TRPM3: variants seen among roughly 807,000 people sequenced by gnomAD.
TRPM3 encodes the protein transient receptor potential cation channel subfamily M member 3.
TRPM3 carries 77 observed loss-of-function variants against 181.2 expected under a neutral mutation model. The ratio of observed to expected loss-of-function variants is 0.42; its 90% confidence interval spans 0.35 to 0.51. The LOEUF (loss-of-function observed/expected upper bound fraction) is 0.51. Among genes scored for constraint, TRPM3 ranks in the 20% least tolerant of loss-of-function variants. The pLI, the probability that TRPM3 is intolerant of heterozygous loss-of-function variation, is 0.01. For missense variants in TRPM3, 1,759 were observed against 2,196.7 expected, an observed-to-expected ratio of 0.80 and a Z score of 3.98; for synonymous variants, 745 against 796.4, an observed-to-expected ratio of 0.94 and a Z score of 1.09.
chr9:71,433,059 T>C (rs971335156), intron 1 of TRPM3, among the ~76,000 whole-genome samples: 2 of 152,242 alleles, frequency 1.3e-5, no homozygotes, highest in South Asian at 2.1e-4. Context: ...CCAAGTCTTT[T>C]TGCCTTTGTC....
intron 1 of TRPM3, among the ~76,000 whole-genome samples, chr9:71,406,430 AC>A (rs1156404020): frequency 3.3e-5 from 5 of 152,236 alleles, no homozygotes; most frequent in African/African-American, 1.2e-4. Flanking sequence ...CTGGAAGTTA[AC>A]TTAGATAAGT....
chr9:71,366,075 G>A (rs1216411234), intron 1 of TRPM3, among the ~76,000 whole-genome samples: 1 of 152,038 alleles, frequency 6.6e-6, no homozygotes, highest in Non-Finnish European at 1.5e-5. Context: ...TTCAGAGATT[G>A]GTCATCATAG....
At chr9:71,227,429 C>T (rs1270418527) in intron 1 of TRPM3, among the ~76,000 whole-genome samples, 1 of 151,898 alleles carries the variant, frequency 6.6e-6, no homozygotes, top group Non-Finnish European at 1.5e-5. Context: ...CCTAATGTTG[C>T]ATTTTAAAGA....
chr9:71,089,509 C>T (rs1033595069), intron 1 of TRPM3, among the ~76,000 whole-genome samples: 10 of 150,578 alleles, frequency 6.6e-5, no homozygotes, highest in African/African-American at 2.4e-4. Context: ...CTAGGTACTA[C>T]AGAGCCAGAA....
chr9:71,432,517 TA>T (rs36049234), intron 1 of TRPM3, among the ~76,000 whole-genome samples: 84,012 of 151,354 alleles, frequency 0.56, 28,422 homozygotes, highest in Non-Finnish European at 0.76. Context: ...TTTGTAGCTG[TA>T]AACCAGATCA....
intron 1 of TRPM3, among the ~76,000 whole-genome samples, chr9:70,872,795 A>G (rs572255799): frequency 6.8e-4 from 104 of 152,064 alleles, no homozygotes; most frequent in African/African-American, 2.5e-3. Flanking sequence ...GCACATGGTT[A>G]GCACATAGAG....
chr9:70,551,931 T>C (rs979599320), intron 24 of TRPM3, among the ~76,000 whole-genome samples: 4 of 152,212 alleles, frequency 2.6e-5, no homozygotes, highest in Admixed American at 6.5e-5. Context: ...AGTTGGGCAT[T>C]GCAAGGTCAG....
chr9:70,739,668 T>G (rs1157006969), intron 8 of TRPM3, among the ~76,000 whole-genome samples: 1 of 152,088 alleles, frequency 6.6e-6, no homozygotes, highest in Non-Finnish European at 1.5e-5. Flanking sequence ...CTCAATTCAC[T>G]GCAACCATCT....
chr9:71,061,149 A>G (rs1468309778), intron 1 of TRPM3, among the ~76,000 whole-genome samples: 1 of 152,128 alleles, frequency 6.6e-6, no homozygotes, highest in African/African-American at 2.4e-5. Flanking sequence ...CACCTGGAGC[A>G]CTGGAAGAAT....
intron 22 of TRPM3, among the ~76,000 whole-genome samples, chr9:70,580,468 C>T (rs1332213572): frequency 1.3e-5 from 2 of 152,150 alleles, no homozygotes; most frequent in East Asian, 1.9e-4. Context: ...AAGGGATACA[C>T]ACAAGAAATC....
At chr9:71,086,364 T>G (rs2065261168) in intron 1 of TRPM3, among the ~76,000 whole-genome samples, 1 of 151,932 alleles carries the variant, frequency 6.6e-6, no homozygotes, top group African/African-American at 2.4e-5. Context: ...AAGAATTTTT[T>G]TAAAAGATTC....
chr9:71,309,610 T>G (rs1336156201), intron 1 of TRPM3, among the ~76,000 whole-genome samples: 1 of 152,164 alleles, frequency 6.6e-6, no homozygotes, highest in Non-Finnish European at 1.5e-5. Context: ...TCTTACAATT[T>G]TGGTGTAATT....
At chr9:71,255,014 T>C (rs2082586393) in intron 1 of TRPM3, among the ~76,000 whole-genome samples, 1 of 152,222 alleles carries the variant, frequency 6.6e-6, no homozygotes. Flanking sequence ...TGCCTATTTC[T>C]GTAGCCATGG....
intron 1 of TRPM3, among the ~76,000 whole-genome samples, chr9:71,214,854 C>G (rs1322583023): frequency 6.6e-6 from 1 of 152,102 alleles, no homozygotes; most frequent in African/African-American, 2.4e-5. Flanking sequence ...GGAAACTCAT[C>G]TTTCAAGGTC....
intron 8 of TRPM3, among the ~76,000 whole-genome samples, chr9:70,750,630 C>T (rs148689879): frequency 6.6e-6 from 1 of 152,244 alleles, no homozygotes; most frequent in African/African-American, 2.4e-5. Context: ...ATGTGAGAGA[C>T]ACTGCCGAAA....
chr9:71,147,424 G>GACACACACAC (rs34795244), intron 1 of TRPM3, among the ~76,000 whole-genome samples: 2,169 of 145,010 alleles, frequency 0.015, 20 homozygotes, highest in African/African-American at 0.021. Flanking sequence ...GCAACACACA[G>GACACACACAC]ACACACACAC....
chr9:71,100,112 T>A (rs1020932315), intron 1 of TRPM3, among the ~76,000 whole-genome samples: 14 of 152,190 alleles, frequency 9.2e-5, no homozygotes, highest in Non-Finnish European at 2.9e-5. Context: ...CATCATGTTT[T>A]ACAAAAATAA....
chr9:71,420,695 GAGAAAGAGAGAGAA>G (rs1350225201), intron 1 of TRPM3, among the ~76,000 whole-genome samples: 3 of 43,514 alleles, frequency 6.9e-5, no homozygotes, highest in East Asian at 1.5e-3. Context: ...GAAAGGGAAA[GAGAAAGAGAGAGAA>G]AGAAAGAGAG....
chr9:71,017,081 TTTTC>T (rs1160287036), intron 1 of TRPM3, among the ~76,000 whole-genome samples: 1 of 152,106 alleles, frequency 6.6e-6, no homozygotes, highest in African/African-American at 2.4e-5. Flanking sequence ...GTTAAAAATA[TTTTC>T]ACATTTACTG....
Sources: allele counts gnomAD v4.1 joint callset (sites outside exome capture counted in the v4.1 genomes callset), GRCh38; gene constraint gnomAD v4.1.1; transcripts MANE v1.5; gene names NCBI Gene and HGNC (gene_info 2026-07-23, HGNC 2026-07-21).